The following RTL4 variants were observed in gnomAD, a reference collection of about 807,000 sequenced individuals.
The protein encoded by RTL4 is retrotransposon Gag like 4, also known as retrotransposon Gag-like protein 4.
In RTL4, 4 loss-of-function variants were observed where a neutral mutation model predicts 5.3. The ratio of observed to expected loss-of-function variants is 0.75; its 90% CI spans 0.37 to 1.72. The LOEUF (loss-of-function observed/expected upper bound fraction) is 1.72, where lower values mean the gene tolerates loss of function less well. Among genes scored for constraint, RTL4 ranks in the 40% most tolerant of loss-of-function variants. RTL4 has a pLI of 0.04. For synonymous variants in RTL4, 98 were observed against 87.3 expected, an observed-to-expected ratio of 1.12 and a Z score of -0.68; for missense variants, 260 against 227.1, an observed-to-expected ratio of 1.14 and a Z score of -0.93.
the RTL4 span, among the ~76,000 whole-genome samples, chrX:112,158,225 T>C: frequency 8.9e-6 from 1 of 111,889 alleles, no homozygotes; most frequent in African/African-American, 3.3e-5. Context: ...AAAGAGCTAA[T>C]ATCTTTCCAA....
chrX:112,245,509 C>T, the RTL4 span, among the ~76,000 whole-genome samples: 4 of 111,880 alleles, frequency 3.6e-5, no homozygotes, highest in Admixed American at 9.5e-5. Flanking sequence ...CTTGTGCATG[C>T]GTCACGTAGT....
chrX:112,152,060 T>A, the RTL4 span, among the ~76,000 whole-genome samples: 2 of 111,903 alleles, frequency 1.8e-5, no homozygotes, highest in South Asian at 7.6e-4. Flanking sequence ...GATAACGTTA[T>A]GATAACTTGA....
At chrX:112,402,769 G>T in the RTL4 span, among the ~76,000 whole-genome samples, 1 of 111,134 alleles carries the variant, frequency 9.0e-6, no homozygotes, top group Admixed American at 9.6e-5. Context: ...AAGGAAGAGA[G>T]AAAGCGAAAG....
At chrX:112,203,681 C>A in the RTL4 span, among the ~76,000 whole-genome samples, 1 of 111,523 alleles carries the variant, frequency 9.0e-6, no homozygotes, top group Non-Finnish European at 1.9e-5. Context: ...GCCTTCATAT[C>A]AGGTAGAGTG....
chrX:112,298,521 G>T, the RTL4 span, among the ~76,000 whole-genome samples: 1 of 112,149 alleles, frequency 8.9e-6, no homozygotes, highest in African/African-American at 3.2e-5. Flanking sequence ...TAGGGTCCTC[G>T]GGTTCTTATT....
the RTL4 span, among the ~76,000 whole-genome samples, chrX:112,242,769 G>A: frequency 9.0e-6 from 1 of 111,547 alleles, no homozygotes; most frequent in Non-Finnish European, 1.9e-5. Context: ...TCCCTGTCTT[G>A]TACCGGTTTT....
the RTL4 span, among the ~76,000 whole-genome samples, chrX:112,151,545 C>A: frequency 8.9e-6 from 1 of 111,942 alleles, no homozygotes; most frequent in African/African-American, 3.2e-5. Context: ...TGTGCTACTC[C>A]TCCAGCAATG....
At chrX:112,146,160 A>G in the RTL4 span, among the ~76,000 whole-genome samples, 1 of 111,782 alleles carries the variant, frequency 8.9e-6, no homozygotes, top group Non-Finnish European at 1.9e-5. Context: ...GATTTTAGCA[A>G]TGCAGGGGGT....
chrX:112,158,454 C>CAT, the RTL4 span, among the ~76,000 whole-genome samples: 781 of 107,604 alleles, frequency 7.3e-3, 5 homozygotes, highest in African/African-American at 0.024. Context: ...ATACATAATA[C>CAT]ATATATATAT....
At chrX:112,209,537 T>C in the RTL4 span, among the ~76,000 whole-genome samples, 1 of 111,718 alleles carries the variant, frequency 9.0e-6, no homozygotes, top group Admixed American at 9.5e-5. Context: ...TTTTCCTCTG[T>C]TAACTGATCA....
chrX:112,319,439 A>G, the RTL4 span, among the ~76,000 whole-genome samples: 3 of 112,127 alleles, frequency 2.7e-5, no homozygotes, highest in Non-Finnish European at 3.8e-5. Flanking sequence ...CACTCTCCAT[A>G]GTAATAGAAA....
At chrX:112,422,486 T>C in the RTL4 span, among the ~76,000 whole-genome samples, 1 of 73,778 alleles carries the variant, frequency 1.4e-5, no homozygotes, top group African/African-American at 4.7e-5. Flanking sequence ...TCTGTAGTAT[T>C]CTGATGCTAG....
chrX:112,373,808 C>A, the RTL4 span, among the ~76,000 whole-genome samples: 1 of 110,497 alleles, frequency 9.1e-6, no homozygotes, highest in African/African-American at 3.3e-5. Flanking sequence ...TTCAGGCCAA[C>A]AATGGTCTAC....
At chrX:112,236,479 ATAGATCTATATC>A in the RTL4 span, among the ~76,000 whole-genome samples, 1 of 83,562 alleles carries the variant, frequency 1.2e-5, no homozygotes, top group East Asian at 3.6e-4. Flanking sequence ...ATATATAGAT[ATAGATCTATATC>A]TATATATAGA....
At chrX:112,417,543 G>C in the RTL4 span, among the ~76,000 whole-genome samples, 1 of 111,572 alleles carries the variant, frequency 9.0e-6, no homozygotes, top group South Asian at 3.8e-4. Flanking sequence ...AAAATCCAGG[G>C]AATTTCTTAT....
At chrX:112,359,393 C>T in the RTL4 span, among the ~76,000 whole-genome samples, 1 of 111,548 alleles carries the variant, frequency 9.0e-6, no homozygotes, top group Admixed American at 9.5e-5. Flanking sequence ...TTATTCATTT[C>T]CCACTTTCCA....
At chrX:112,167,894 G>A in the RTL4 span, among the ~76,000 whole-genome samples, 1 of 110,033 alleles carries the variant, frequency 9.1e-6, no homozygotes, top group African/African-American at 3.3e-5. Context: ...AAAAAACACG[G>A]TCAACATTTT....
chrX:112,163,450 C>G, the RTL4 span, among the ~76,000 whole-genome samples: 2 of 111,543 alleles, frequency 1.8e-5, no homozygotes, highest in Non-Finnish European at 3.8e-5. Flanking sequence ...TCTGCATGCT[C>G]TAGGCAAAAG....
At chrX:112,400,836 C>T in the RTL4 span, among the ~76,000 whole-genome samples, 1 of 111,551 alleles carries the variant, frequency 9.0e-6, no homozygotes, top group African/African-American at 3.3e-5. Context: ...TATAGTTCTC[C>T]TTTTGTGAAG....
Sources: gnomAD v4.1 joint callset for allele counts (sites outside exome capture counted in the v4.1 genomes callset) on GRCh38, gnomAD v4.1.1 for gene constraint, MANE v1.5 for transcripts, NCBI Gene and HGNC (gene_info 2026-07-23, HGNC 2026-07-21) for gene names.